RNF38: variants seen among roughly 807,000 people sequenced by gnomAD.
The protein encoded by RNF38 is E3 ubiquitin-protein ligase RNF38.
A neutral mutation model predicts 67.2 loss-of-function variants in RNF38; 15 were observed. The observed-to-expected ratio is 0.22, with a 90% CI of 0.15 to 0.34. The LOEUF (loss-of-function observed/expected upper bound fraction) is 0.34, where lower values mean the gene tolerates loss of function less well. RNF38 is among the 10% of genes least tolerant of loss of function. The pLI is 1.00. For missense variants in RNF38, 524 were observed against 639.9 expected (o/e 0.82, Z 1.95); for synonymous variants, 220 against 218.8 (o/e 1.01, Z -0.05).
chr9:36,400,765 C>T, upstream of RNF38: 2 of 985,656 alleles, frequency 2.0e-6, no homozygotes, highest in Non-Finnish European at 2.4e-6. Flanking sequence ...CAGGAAACGA[C>T]GGCTGCACGC....
intron 2 of RNF38, among the ~76,000 whole-genome samples, chr9:36,407,641 T>A (rs1349891377): frequency 1.3e-5 from 2 of 152,172 alleles, no homozygotes; most frequent in Non-Finnish European, 2.9e-5. Context: ...AGGCCTCCAC[T>A]AGATGGCCTG....
At chr9:36,383,912 T>G (rs753477369) in intron 2 of RNF38, among the ~76,000 whole-genome samples, 1 of 152,126 alleles carries the variant, frequency 6.6e-6, no homozygotes, top group Non-Finnish European at 1.5e-5. Flanking sequence ...CACACCATGA[T>G]GAATAGTAAA....
At position 36,430,698 on chromosome 9, in the gene RNF38, T is replaced by C. The variant is rs149619624; in HGVS notation, n.242-6015A>G. Among the ~76,000 whole-genome samples the C allele has an allele frequency of 2.4e-4, 37 of 152,258 alleles. No homozygotes were observed. The East Asian group carries it at 6.9e-3, about 29-fold the overall frequency. ...TAGTGAAAGGACTGGTTCTACTTTG[T>C]ATTTTTCCATTTGAATGGAAATATG... On this transcript the variant is annotated intron_variant and non_coding_transcript_variant, in intron 1 of 3. Coordinates refer to the RNF38 transcript ENST00000488058.
chr9:36,385,176 T>A (rs1350056465), intron 2 of RNF38, among the ~76,000 whole-genome samples: 2 of 152,172 alleles, frequency 1.3e-5, no homozygotes, highest in African/African-American at 4.8e-5. Flanking sequence ...AAGTATCATC[T>A]TCTCTTATTC....
chr9:36,485,536 AATTTGC>A (rs1840386226), intron 1 of RNF38, among the ~76,000 whole-genome samples: 1 of 152,142 alleles, frequency 6.6e-6, no homozygotes, highest in Non-Finnish European at 1.5e-5. Flanking sequence ...GTGTTGTTTC[AATTTGC>A]ATTTCCCTGA....
chr9:36,342,283 GA>G (rs767956693), intron 11 of RNF38, 41 bp downstream of exon 11: 2 of 1,385,458 alleles, frequency 1.4e-6, no homozygotes, highest in Admixed American at 3.4e-5. Context: ...CAATAAAATA[GA>G]AAATTCAATG....
intron 1 of RNF38, among the ~76,000 whole-genome samples, chr9:36,471,759 A>G (rs1222946894): frequency 6.6e-6 from 1 of 152,212 alleles, no homozygotes; most frequent in Non-Finnish European, 1.5e-5. Flanking sequence ...TTGCACATAA[A>G]TTTACTTTAC....
intron 9 of RNF38, among the ~76,000 whole-genome samples, chr9:36,345,528 C>T (rs572750724): frequency 3.5e-4 from 53 of 152,272 alleles, no homozygotes; most frequent in African/African-American, 1.3e-3. Flanking sequence ...GCTGTAACAA[C>T]CAAAAATGTT....
chr9:36,428,731 G>A (rs895642267), intron 1 of RNF38, among the ~76,000 whole-genome samples: 3 of 152,268 alleles, frequency 2.0e-5, no homozygotes, highest in South Asian at 2.1e-4. Flanking sequence ...AAAGCTGGGG[G>A]AAGTGACCTC....
intron 10 of RNF38, among the ~76,000 whole-genome samples, chr9:36,342,867 T>C (rs1264181912): frequency 6.6e-6 from 1 of 152,154 alleles, no homozygotes; most frequent in African/African-American, 2.4e-5. Context: ...GGAGATGACA[T>C]TAAAAGCACA....
At chr9:36,456,131 G>C (rs1052791014) in intron 1 of RNF38, among the ~76,000 whole-genome samples, 2 of 152,042 alleles carry the variant, frequency 1.3e-5, no homozygotes, top group African/African-American at 4.8e-5. Flanking sequence ...CGTGATCTCA[G>C]CTCACTGCAA....
intron 1 of RNF38, among the ~76,000 whole-genome samples, chr9:36,455,808 G>C (rs1347390917): frequency 6.6e-6 from 1 of 151,632 alleles, no homozygotes; most frequent in East Asian, 1.9e-4. Flanking sequence ...CTACTCAGGA[G>C]GCTGAAGCAG....
intron 1 of RNF38, among the ~76,000 whole-genome samples, chr9:36,429,645 TTAG>T (rs1461059687): frequency 5.3e-5 from 8 of 151,990 alleles, no homozygotes; most frequent in African/African-American, 1.5e-4. Context: ...AATACAAAAA[TTAG>T]CCACGCATGG....
intron 2 of RNF38, among the ~76,000 whole-genome samples, chr9:36,385,528 G>A (rs1301908090): frequency 6.6e-6 from 1 of 152,220 alleles, no homozygotes; most frequent in East Asian, 1.9e-4. Context: ...ACAGGCATGT[G>A]CCACCACATC....
chr9:36,446,810 GAAAAAAAAAAAAA>G (rs60691553), intron 1 of RNF38, among the ~76,000 whole-genome samples: 364 of 28,228 alleles, frequency 0.013, 8 homozygotes, highest in African/African-American at 0.037. Context: ...TCCGCCTCAA[GAAAAAAAAAAAAA>G]AAAAAAAAAA....
In RNF38 at chr9:36,351,055, T is replaced by C. The variant is rs7858318; in HGVS notation, c.1263+60A>G. ...GACACCTGTGGTTTAAAGAGTTAAG[T>C]AGAATAATACTTTCATGCACACAAT... On this transcript the variant is annotated intron_variant, in intron 9 of 11. Transcript: ENST00000259605. 672 of 1,220,544 alleles carry C rather than the reference T, an allele frequency of 5.5e-4. 2 individuals carry two copies. In the African/African-American group the frequency reaches 9.2e-3, roughly 17 times the overall value. 75.6% of individuals were successfully genotyped at this position (1,220,544 alleles called of 1,614,324 possible).
intron 1 of RNF38, among the ~76,000 whole-genome samples, chr9:36,464,095 T>C (rs1370004170): frequency 6.7e-6 from 1 of 149,306 alleles, no homozygotes; most frequent in East Asian, 2.0e-4. Flanking sequence ...ACCCGGGAGG[T>C]GGAGATTGCA....
chr9:36,390,323 TAA>T, intron 2 of RNF38, 142 bp downstream of exon 2: 4 of 601,786 alleles, frequency 6.6e-6, no homozygotes, highest in Non-Finnish European at 1.0e-5. Flanking sequence ...GAAAAAATAT[TAA>T]AGTCCTCTAA....
At chr9:36,482,295 C>T (rs530661391) in intron 1 of RNF38, among the ~76,000 whole-genome samples, 11 of 151,108 alleles carry the variant, frequency 7.3e-5, no homozygotes, top group South Asian at 2.1e-4. Context: ...TCAGGTGATC[C>T]GCCCACCTCG....
Sources: gnomAD v4.1 joint callset for allele counts (sites outside exome capture counted in the v4.1 genomes callset) on GRCh38, gnomAD v4.1.1 for gene constraint, MANE v1.5 for transcripts, NCBI Gene and HGNC (gene_info 2026-07-23, HGNC 2026-07-21) for gene names.